CHLSN: variants seen among roughly 807,000 people sequenced by gnomAD.
CHLSN encodes protein cholesin.
the CHLSN span, among the ~76,000 whole-genome samples, chr7:983,844 G>A: frequency 2.0e-5 from 3 of 152,252 alleles, no homozygotes; most frequent in Non-Finnish European, 4.4e-5. Context: ...CTCCTGGGCA[G>A]GGATGCTGAG....
At chr7:991,510 C>T in the CHLSN span, among the ~76,000 whole-genome samples, 6 of 152,186 alleles carry the variant, frequency 3.9e-5, no homozygotes, top group Non-Finnish European at 7.3e-5. Context: ...GAGTGAGACC[C>T]GAACCCCGGA....
chr7:1,097,391 A>T, the CHLSN span, among the ~76,000 whole-genome samples: 1 of 152,250 alleles, frequency 6.6e-6, no homozygotes, highest in African/African-American at 2.4e-5. The surrounding 1 kb of genome is among the most constrained non-coding windows in gnomAD (Gnocchi z 4.3). Context: ...AGCTGGGACA[A>T]CGTGAGCAGT....
the CHLSN span, chr7:1,059,219 G>A: frequency 1.2e-5 from 2 of 167,078 alleles, no homozygotes; most frequent in African/African-American, 2.4e-5. Context: ...ATTCCTCAAA[G>A]TGTGCACAAA....
chr7:1,113,363 T>G, the CHLSN span, among the ~76,000 whole-genome samples: 9 of 151,996 alleles, frequency 5.9e-5, no homozygotes, highest in African/African-American at 9.7e-5. Context: ...AAGCCAGGAG[T>G]GCCCGCTCCC....
the CHLSN span, among the ~76,000 whole-genome samples, chr7:998,164 T>C: frequency 6.6e-6 from 1 of 152,096 alleles, no homozygotes; most frequent in Non-Finnish European, 1.5e-5. Flanking sequence ...CGCCGGCACT[T>C]GGCACGCTCG....
the CHLSN span, among the ~76,000 whole-genome samples, chr7:1,104,292 C>T: frequency 2.6e-5 from 4 of 152,310 alleles, no homozygotes; most frequent in Admixed American, 1.3e-4. Context: ...TGCAGTGGCC[C>T]GGGAGGCTGA....
chr7:1,000,667 C>T, the CHLSN span: 1 of 768,668 alleles, frequency 1.3e-6, no homozygotes, highest in Admixed American at 2.5e-5. Context: ...CCAGGTACTA[C>T]ACACCAAGGC....
the CHLSN span, chr7:984,457 C>T: frequency 6.4e-7 from 1 of 1,550,462 alleles, no homozygotes; most frequent in Non-Finnish European, 8.7e-7. Flanking sequence ...CCTGGGGCGC[C>T]AGAAGACGGT....
At chr7:1,103,119 C>T in the CHLSN span, among the ~76,000 whole-genome samples, 2 of 152,236 alleles carry the variant, frequency 1.3e-5, no homozygotes, top group Admixed American at 1.3e-4. Context: ...GCAGCCCCGT[C>T]CGGGAGGCGC....
At chr7:1,030,544 CAG>C in the CHLSN span, among the ~76,000 whole-genome samples, 1 of 152,226 alleles carries the variant, frequency 6.6e-6, no homozygotes, top group Non-Finnish European at 1.5e-5. Flanking sequence ...TTGCACTTCA[CAG>C]AGGGGGAACC....
the CHLSN span, among the ~76,000 whole-genome samples, chr7:1,035,942 A>G: frequency 6.6e-6 from 1 of 151,908 alleles, no homozygotes; most frequent in Non-Finnish European, 1.5e-5. Flanking sequence ...AGCACAAGAA[A>G]GGCTCTGTCA....
chr7:1,057,157 T>C, the CHLSN span, among the ~76,000 whole-genome samples: 17,401 of 151,932 alleles, frequency 0.11, 1,225 homozygotes, highest in Middle Eastern at 0.26. Flanking sequence ...GGAATCACTG[T>C]GCGGGGCCCG....
chr7:984,548 T>A, the CHLSN span: 1 of 1,560,384 alleles, frequency 6.4e-7, no homozygotes, highest in Non-Finnish European at 8.7e-7. Context: ...CCCATCGCCA[T>A]CTTCCAGCTC....
the CHLSN span, among the ~76,000 whole-genome samples, chr7:1,041,170 G>A: frequency 6.6e-6 from 1 of 152,246 alleles, no homozygotes; most frequent in Non-Finnish European, 1.5e-5. Context: ...CAAGGTGGTG[G>A]CCACATGCTC....
chr7:993,097 A>T, the CHLSN span, among the ~76,000 whole-genome samples: 2 of 152,110 alleles, frequency 1.3e-5, no homozygotes, highest in African/African-American at 4.8e-5. Context: ...ATGACTATTC[A>T]GGGTTTGAGG....
At chr7:1,073,720 G>A in the CHLSN span, among the ~76,000 whole-genome samples, 10 of 18,054 alleles carry the variant, frequency 5.5e-4, no homozygotes, top group Admixed American at 7.2e-3. Flanking sequence ...TGACGCCCCC[G>A]ACCCCTCACC....
the CHLSN span, among the ~76,000 whole-genome samples, chr7:1,036,930 C>T: frequency 2.7e-5 from 4 of 147,408 alleles, no homozygotes; most frequent in African/African-American, 9.8e-5. Context: ...GGCAGCATGT[C>T]GAAACCCTGT....
At chr7:1,000,648 G>A in the CHLSN span, 1 of 973,416 alleles carries the variant, frequency 1.0e-6, no homozygotes, top group East Asian at 2.6e-5. Flanking sequence ...CTTAGGAGAG[G>A]GAGCCCCACC....
chr7:1,018,242 GC>G, the CHLSN span, among the ~76,000 whole-genome samples: 5 of 151,652 alleles, frequency 3.3e-5, no homozygotes, highest in Non-Finnish European at 5.9e-5. Flanking sequence ...GAGAGCCGAG[GC>G]CCTACAGGAA....
Sources: gnomAD v4.1 joint callset for allele counts (sites outside exome capture counted in the v4.1 genomes callset) on GRCh38, gnomAD v4.1.1 for gene constraint, Gnocchi (gnomAD v3.1) non-coding constraint, MANE v1.5 for transcripts, NCBI Gene and HGNC (gene_info 2026-07-23, HGNC 2026-07-21) for gene names.